C3orf20: variants seen among roughly 807,000 people sequenced by gnomAD.
C3orf20 encodes the protein uncharacterized protein C3orf20.
C3orf20 carries 76 observed loss-of-function variants against 88.3 expected under a neutral mutation model. That is an observed-to-expected ratio of 0.86 (90% CI 0.72 to 1.04). The LOEUF (loss-of-function observed/expected upper bound fraction) is 1.04. C3orf20 is among the 50% of genes least tolerant of loss of function. The pLI, the probability that C3orf20 is intolerant of heterozygous loss-of-function variation, is 0.00. For missense variants in C3orf20, 1,056 were observed against 1,123.3 expected (o/e 0.94, Z 0.86); for synonymous variants, 436 against 437.4 (o/e 1.00, Z 0.04).
At chr3:14,732,714 A>G (rs531171047) in intron 12 of C3orf20, among the ~76,000 whole-genome samples, 12 of 152,352 alleles carry the variant, frequency 7.9e-5, no homozygotes, top group Middle Eastern at 3.4e-3. Context: ...ACAGCTCCAC[A>G]TTACAAAGAA....
chr3:14,692,027 C>T (rs1192312727), intron 5 of C3orf20, among the ~76,000 whole-genome samples: 3 of 152,186 alleles, frequency 2.0e-5, no homozygotes, highest in Admixed American at 6.5e-5. Flanking sequence ...TTTCACTTAA[C>T]ATAATGATCT....
chr3:14,726,809 T>C lies in C3orf20; in HGVS notation c.1567-92T>C, dbSNP rs988941416. ...TAGGGGGGCAGGCAATAGCACATCC[T>C]CTGAACCGGAGCAAGTCTTAGTTAT... On this transcript the variant is annotated intron_variant, in intron 10 of 16. Transcript: ENST00000253697. 4.5e-6 allele frequency: 7 copies of C among 1,570,812 alleles called. No homozygotes were observed. In the African/African-American group the frequency reaches 9.4e-5, roughly 21 times the overall value.
At chr3:14,713,352 T>C (rs777296340) in intron 7 of C3orf20, among the ~76,000 whole-genome samples, 1 of 152,206 alleles carries the variant, frequency 6.6e-6, no homozygotes, top group Non-Finnish European at 1.5e-5. Context: ...CTTCATTTCC[T>C]TTTCTTTCTG....
At chr3:14,750,299 C>T (rs1288221790) in intron 12 of C3orf20, among the ~76,000 whole-genome samples, 1 of 152,134 alleles carries the variant, frequency 6.6e-6, no homozygotes, top group African/African-American at 2.4e-5. Context: ...CCTATAATCC[C>T]AGCACTTTGG....
At chr3:14,681,603 T>C (rs899926226) in intron 1 of C3orf20, among the ~76,000 whole-genome samples, 3 of 152,232 alleles carry the variant, frequency 2.0e-5, no homozygotes, top group African/African-American at 7.2e-5. Flanking sequence ...CTGTGGATTC[T>C]TGAGTCTTTC....
At chr3:14,685,058 T>G (rs1008285028) in intron 4 of C3orf20, among the ~76,000 whole-genome samples, 7 of 152,328 alleles carry the variant, frequency 4.6e-5, no homozygotes, top group African/African-American at 1.7e-4. Flanking sequence ...CAGAATTCTT[T>G]GGACTGGCAA....
intron 7 of C3orf20, among the ~76,000 whole-genome samples, chr3:14,710,686 G>A (rs973310307): frequency 6.6e-6 from 1 of 151,824 alleles, no homozygotes; most frequent in Non-Finnish European, 1.5e-5. Context: ...TCATTCCATT[G>A]TGACCAAAGG....
chr3:14,721,634 A>G lies in C3orf20; in HGVS notation c.1435-19A>G. The G allele has an allele frequency of 1.2e-6, 2 of 1,613,588 alleles. No homozygotes were observed. The highest frequency in any genetic ancestry group is 1.7e-6 in the Non-Finnish European group (2 of 1,179,710). On this transcript the variant is annotated intron_variant, in intron 9 of 16. Coordinates refer to ENST00000253697, the MANE Select transcript of C3orf20 (RefSeq NM_032137.5). ...CCGTTGAAGCAGGGATTCTCTGAGT[A>G]CTGTTTCTTCATCTACAGGTGAATG...
chr3:14,707,810 G>C (rs2033578752), intron 7 of C3orf20, among the ~76,000 whole-genome samples: 1 of 100,784 alleles, frequency 9.9e-6, no homozygotes, highest in African/African-American at 3.8e-5. Context: ...ATTTACCCCT[G>C]TGTTTTCCTC....
chr3:14,720,956 A>G (rs949647086), intron 9 of C3orf20, among the ~76,000 whole-genome samples: 5 of 152,224 alleles, frequency 3.3e-5, no homozygotes, highest in African/African-American at 1.2e-4. Flanking sequence ...CCCGTAGACC[A>G]CAGAGCTCTC....
At chr3:14,699,999 G>C (rs2033182368) in intron 5 of C3orf20, among the ~76,000 whole-genome samples, 1 of 152,216 alleles carries the variant, frequency 6.6e-6, no homozygotes, top group Non-Finnish European at 1.5e-5. Context: ...CTTCAGCTGA[G>C]TTCAGCCTGA....
At chr3:14,735,023 A>C (rs535604012) in intron 12 of C3orf20, among the ~76,000 whole-genome samples, 1 of 151,756 alleles carries the variant, frequency 6.6e-6, no homozygotes, top group Non-Finnish European at 1.5e-5. Flanking sequence ...GTTATTTTTC[A>C]TAATATATCT....
chr3:14,756,623 T>G (rs1483472110), intron 12 of C3orf20, among the ~76,000 whole-genome samples: 1 of 152,100 alleles, frequency 6.6e-6, no homozygotes, highest in Admixed American at 6.5e-5. Flanking sequence ...CAGAGCCTTG[T>G]GAGAGTGACA....
At chr3:14,730,839 T>C (rs575915873) in intron 12 of C3orf20, among the ~76,000 whole-genome samples, 1 of 152,332 alleles carries the variant, frequency 6.6e-6, no homozygotes, top group South Asian at 2.1e-4. Flanking sequence ...ATACAGCCAT[T>C]CTGTAATGAT....
intron 11 of C3orf20, 151 bp from the exon 12 acceptor site, chr3:14,728,288 A>C: frequency 1.2e-6 from 1 of 833,240 alleles, no homozygotes; most frequent in Non-Finnish European, 1.9e-6. Flanking sequence ...ACTGTATTGG[A>C]CAGCAGAGGG....
chr3:14,750,896 T>A (rs985058247), intron 12 of C3orf20, among the ~76,000 whole-genome samples: 7 of 152,214 alleles, frequency 4.6e-5, no homozygotes, highest in African/African-American at 1.7e-4. Context: ...TTTCTGCTCC[T>A]TTCTTTCCTG....
intron 12 of C3orf20, 115 bp from the exon 13 acceptor site, chr3:14,757,256 C>G: frequency 2.3e-6 from 2 of 869,292 alleles, no homozygotes; most frequent in South Asian, 3.4e-5. Context: ...CAGCAGGGCC[C>G]AGACTAAAAT....
chr3:14,675,912 G>C (rs573644080), intron 1 of C3orf20, among the ~76,000 whole-genome samples: 1 of 151,918 alleles, frequency 6.6e-6, no homozygotes, highest in Non-Finnish European at 1.5e-5. Context: ...GGCTGGTCTC[G>C]AGCTCCTGAC....
chr3:14,703,530 T>C (rs2033368337), intron 6 of C3orf20, among the ~76,000 whole-genome samples: 1 of 152,254 alleles, frequency 6.6e-6, no homozygotes, highest in African/African-American at 2.4e-5. Flanking sequence ...ATGCCCATTT[T>C]GTGGATGGGG....
Sources: allele counts gnomAD v4.1 joint callset (sites outside exome capture counted in the v4.1 genomes callset), GRCh38; gene constraint gnomAD v4.1.1; transcripts MANE v1.5; gene names NCBI Gene and HGNC (gene_info 2026-07-23, HGNC 2026-07-21).